CCSER1: variants seen among roughly 807,000 people sequenced by gnomAD.
CCSER1 encodes serine-rich coiled-coil domain-containing protein 1.
In CCSER1, 41 loss-of-function variants were observed where a neutral mutation model predicts 82.0. The ratio of observed to expected loss-of-function variants is 0.50; its 90% CI spans 0.39 to 0.65. The LOEUF is 0.65. CCSER1 is among the 30% of genes least tolerant of loss of function. The pLI is 0.00. For synonymous variants in CCSER1, 414 were observed against 383.9 expected (o/e 1.08, Z -0.92); for missense variants, 1,119 against 1,064.2 (o/e 1.05, Z -0.72).
intron 3 of CCSER1, among the ~76,000 whole-genome samples, chr4:90,326,348 C>T (rs1468383414): frequency 2.6e-5 from 4 of 152,118 alleles, no homozygotes; most frequent in Admixed American, 2.6e-4. Flanking sequence ...GCGTGAGCCA[C>T]CGTGCCCAGC....
In CCSER1 at chr4:90,127,450, C is replaced by G. The variant is rs1578101055; in HGVS notation, c.-423C>G. The stretch of plus-strand genomic sequence containing the variant: ...GGATCTCGCGCTCCCCACACAGTCA[C>G]ACTCCGCGCACTCACACACTTGGAA... On this transcript the variant is annotated 5_prime_UTR_variant, in exon 1 of 11. Transcript: ENST00000509176. 1 of 152,604 alleles carries G rather than the reference C, an allele frequency of 6.6e-6. No individual in the cohort carries two copies. The highest frequency in any genetic ancestry group is 2.4e-5 in the African/African-American group (1 of 41,456). 9.5% of individuals were successfully genotyped at this position (152,604 alleles called of 1,614,324 possible). A position where few individuals can be genotyped will look rare whatever the true frequency, so the allele number is the denominator to read the frequency against.
At chr4:91,014,653 A>C (rs1739268690) in intron 9 of CCSER1, among the ~76,000 whole-genome samples, 1 of 82,582 alleles carries the variant, frequency 1.2e-5, no homozygotes, top group Non-Finnish European at 3.6e-5. Context: ...CCAGATTCTT[A>C]TTTTTTGACA....
intron 8 of CCSER1, among the ~76,000 whole-genome samples, chr4:90,820,478 G>T (rs1759589897): frequency 6.6e-6 from 1 of 152,118 alleles, no homozygotes; most frequent in Non-Finnish European, 1.5e-5. Flanking sequence ...TCACATGATA[G>T]AAAGGCAGAA....
intron 4 of CCSER1, among the ~76,000 whole-genome samples, chr4:90,445,211 C>G (rs1760478607): frequency 6.6e-6 from 1 of 152,052 alleles, no homozygotes; most frequent in Non-Finnish European, 1.5e-5. Context: ...ATTGGAACTA[C>G]TCACATTGTT....
intron 4 of CCSER1, among the ~76,000 whole-genome samples, chr4:90,418,836 C>T (rs956530290): frequency 2.0e-5 from 3 of 152,018 alleles, no homozygotes; most frequent in Non-Finnish European, 4.4e-5. Flanking sequence ...GAAGCATATA[C>T]ATTGTGCTGA....
chr4:91,208,287 C>T (rs1262674700), intron 10 of CCSER1, among the ~76,000 whole-genome samples: 1 of 151,904 alleles, frequency 6.6e-6, no homozygotes, highest in Non-Finnish European at 1.5e-5. Flanking sequence ...ATGGTTTTGT[C>T]ATGAAATCTT....
intron 10 of CCSER1, among the ~76,000 whole-genome samples, chr4:91,219,124 T>C (rs1007600694): frequency 1.3e-5 from 2 of 152,156 alleles, no homozygotes; most frequent in East Asian, 1.9e-4. Context: ...CTAATTTGAA[T>C]TGATGGGCTG....
At chr4:91,070,459 G>T (rs552212012) in intron 9 of CCSER1, among the ~76,000 whole-genome samples, 1 of 152,264 alleles carries the variant, frequency 6.6e-6, no homozygotes, top group Non-Finnish European at 1.5e-5. Flanking sequence ...GTCCTGTCAA[G>T]AATTGTGCTC....
chr4:90,503,519 G>A (rs141215182), intron 5 of CCSER1, among the ~76,000 whole-genome samples: 2,504 of 152,098 alleles, frequency 0.016, 44 homozygotes, highest in African/African-American at 0.049. Flanking sequence ...CCATCAGCTC[G>A]TCATTTAACA....
intron 9 of CCSER1, among the ~76,000 whole-genome samples, chr4:91,005,384 T>A (rs918823731): frequency 2.9e-5 from 4 of 136,742 alleles, no homozygotes; most frequent in African/African-American, 1.1e-4. Context: ...TATCATGAAG[T>A]AATTTTACAC....
chr4:90,199,886 C>G (rs1737327629), intron 1 of CCSER1, among the ~76,000 whole-genome samples: 1 of 152,064 alleles, frequency 6.6e-6, no homozygotes, highest in Non-Finnish European at 1.5e-5. Context: ...CACAGAAAAG[C>G]AATCCTAGAT....
chr4:90,742,606 C>T (rs1041217383), intron 7 of CCSER1, among the ~76,000 whole-genome samples: 1 of 152,076 alleles, frequency 6.6e-6, no homozygotes, highest in Non-Finnish European at 1.5e-5. Flanking sequence ...TTTTGGACTT[C>T]CCAGCCTCTA....
intron 10 of CCSER1, among the ~76,000 whole-genome samples, chr4:91,421,147 G>T (rs532236426): frequency 6.6e-6 from 1 of 152,166 alleles, no homozygotes; most frequent in Non-Finnish European, 1.5e-5. Flanking sequence ...ATTAGCATGG[G>T]TGGTGTGTTA....
At chr4:91,392,173 T>A (rs1464545337) in intron 10 of CCSER1, among the ~76,000 whole-genome samples, 1 of 152,090 alleles carries the variant, frequency 6.6e-6, no homozygotes, top group Admixed American at 6.6e-5. Context: ...AAAAGTATTT[T>A]AAAAATTGAC....
rs555559812 is a variant in CCSER1, at chr4:90,800,602, A to G, written c.2011-15160A>G. Among the ~76,000 whole-genome samples the G allele has an allele frequency of 9.8e-5, 15 of 152,328 alleles. No homozygotes were observed. In the East Asian group the frequency reaches 2.9e-3, roughly 29 times the overall value. Reference sequence around the variant, plus strand: ...CTAAAATGTCTTATCAAGCAATGCCAGTGAGACAGTGTAAGTTATCGCTTT... The same window carrying G: ...CTAAAATGTCTTATCAAGCAATGCCGGTGAGACAGTGTAAGTTATCGCTTT... On this transcript the variant is annotated intron_variant, in intron 7 of 10. Coordinates refer to ENST00000509176, the MANE Select transcript of CCSER1 (RefSeq NM_001145065.2).
At position 90,303,399 on chromosome 4, in the gene CCSER1, T is replaced by C. The variant is rs534236736; in HGVS notation, c.-41-4845T>C. On this transcript the variant is annotated intron_variant, in intron 1 of 10. Transcript: ENST00000509176. ...GGCATCACACTACCTGACTTCAAACTATACTACAAGGCTACAGTAACCAAA... is the reference window on the plus strand; with the variant it reads ...GGCATCACACTACCTGACTTCAAACCATACTACAAGGCTACAGTAACCAAA... 2.5e-3 allele frequency among the ~76,000 whole-genome samples: 378 copies of C among 152,176 alleles called. 3 individuals carry two copies. Among genetic ancestry groups the C allele is most frequent in the African/African-American group, 8.7e-3 (363 of 41,512 alleles).
At chr4:91,376,902 C>CCCCCCCCT (rs141460197) in intron 10 of CCSER1, among the ~76,000 whole-genome samples, 33 of 142,680 alleles carry the variant, frequency 2.3e-4, no homozygotes, top group Non-Finnish European at 2.9e-4. Flanking sequence ...TACTATCCCT[C>CCCCCCCCT]CCCCCACCCA....
rs1280301825 is a variant in CCSER1 at position 91,598,754 on chromosome 4, A to G, written c.2400A>G (p.Ala800=). The stretch of plus-strand genomic sequence containing the variant: ...ATTTCCTGAAGGACAAGGAACTAGC[A>G]GAAGTTATCAAACATTCAAGAGGAA... The part of the protein sequence containing the change: ...LSNFLKDKEL[A]EVIKHSRGTY... Residue 800 remains alanine, a synonymous_variant, in exon 11 of 11, where the codon GCA becomes GCG. Coordinates refer to ENST00000509176, the MANE Select transcript of CCSER1 (RefSeq NM_001145065.2). 3.9e-6 allele frequency: 6 copies of G among 1,551,560 alleles called. No homozygotes were observed. The highest frequency in any genetic ancestry group is 5.2e-6 in the Non-Finnish European group (6 of 1,146,964).
chr4:90,747,880 C>T (rs536473948), intron 7 of CCSER1, among the ~76,000 whole-genome samples: 1 of 149,020 alleles, frequency 6.7e-6, no homozygotes, highest in Non-Finnish European at 1.5e-5. Flanking sequence ...TCAATTCCCA[C>T]CTATGAGTGA....
Sources: gnomAD v4.1 joint callset for allele counts (sites outside exome capture counted in the v4.1 genomes callset) on GRCh38, gnomAD v4.1.1 for gene constraint, MANE v1.5 for transcripts, NCBI Gene and HGNC (gene_info 2026-07-23, HGNC 2026-07-21) for gene names.